The following CPQ variants were observed in gnomAD, a reference collection of about 807,000 sequenced individuals.
CPQ encodes the protein carboxypeptidase Q.
A neutral mutation model predicts 45.7 loss-of-function variants in CPQ; 37 were observed. That is an observed-to-expected ratio of 0.81 (90% CI 0.62 to 1.07). The LOEUF is 1.07. CPQ is among the 50% of genes least tolerant of loss of function. CPQ has a pLI of 0.00. For missense variants in CPQ, 537 were observed against 572.9 expected, an observed-to-expected ratio of 0.94 and a Z score of 0.64; for synonymous variants, 186 against 205.8, an observed-to-expected ratio of 0.90 and a Z score of 0.82.
At chr8:97,083,376 C>G (rs762054956) in intron 7 of CPQ, among the ~76,000 whole-genome samples, 7 of 152,142 alleles carry the variant, frequency 4.6e-5, no homozygotes, top group Non-Finnish European at 8.8e-5. Flanking sequence ...ACTATTGGTA[C>G]TCACCAGCCA....
chr8:96,970,730 A>AT (rs1477927577), intron 5 of CPQ, among the ~76,000 whole-genome samples: 4 of 151,902 alleles, frequency 2.6e-5, no homozygotes, highest in Non-Finnish European at 2.9e-5. Context: ...CGCCCGGCTA[A>AT]TTTTTTGTAT....
chr8:96,671,849 C>A (rs1004557099), intron 1 of CPQ, among the ~76,000 whole-genome samples: 1 of 152,114 alleles, frequency 6.6e-6, no homozygotes, highest in African/African-American at 2.4e-5. Flanking sequence ...ACTACTTTTA[C>A]ATTTCTTTCA....
chr8:96,648,287 C>T (rs1815539831), intron 1 of CPQ, among the ~76,000 whole-genome samples: 1 of 152,180 alleles, frequency 6.6e-6, no homozygotes, highest in African/African-American at 2.4e-5. Context: ...AATAGACCTT[C>T]CCATTGCTCA....
At chr8:96,914,375 C>T (rs1379514569) in intron 4 of CPQ, among the ~76,000 whole-genome samples, 1 of 152,070 alleles carries the variant, frequency 6.6e-6, no homozygotes, top group African/African-American at 2.4e-5. Flanking sequence ...GAACAGGGCC[C>T]TTTACAGAGC....
At chr8:97,022,309 T>C (rs1240005217) in intron 5 of CPQ, among the ~76,000 whole-genome samples, 5 of 152,152 alleles carry the variant, frequency 3.3e-5, no homozygotes, top group Admixed American at 2.0e-4. Context: ...AAAACCCTTC[T>C]AGACATTGGC....
At chr8:96,705,273 T>G (rs1809518050) in intron 1 of CPQ, among the ~76,000 whole-genome samples, 1 of 152,168 alleles carries the variant, frequency 6.6e-6, no homozygotes, top group South Asian at 2.1e-4. Flanking sequence ...TCCTTGAGAG[T>G]AGAGATTTTG....
chr8:97,080,309 G>C (rs13439480), intron 7 of CPQ, among the ~76,000 whole-genome samples: 1 of 152,038 alleles, frequency 6.6e-6, no homozygotes, highest in Non-Finnish European at 1.5e-5. Flanking sequence ...TAATCTGCTC[G>C]TTGAAACTTG....
intron 1 of CPQ, among the ~76,000 whole-genome samples, chr8:96,768,746 C>G (rs1157838606): frequency 6.6e-6 from 1 of 152,126 alleles, no homozygotes; most frequent in East Asian, 1.9e-4. Context: ...GGACTTCTGG[C>G]TTGGGCTGTA....
At chr8:96,863,389 A>G (rs1439328332) in intron 3 of CPQ, among the ~76,000 whole-genome samples, 2 of 151,990 alleles carry the variant, frequency 1.3e-5, no homozygotes, top group Non-Finnish European at 2.9e-5. Context: ...AGGGGAAGAC[A>G]TTTTCAAGGG....
At chr8:96,951,218 A>G (rs1315825183) in intron 4 of CPQ, among the ~76,000 whole-genome samples, 1 of 152,022 alleles carries the variant, frequency 6.6e-6, no homozygotes, top group Non-Finnish European at 1.5e-5. Context: ...CGTTACAGAG[A>G]TTATGCTCAA....
chr8:97,072,371 T>C (rs1484261685), intron 7 of CPQ, among the ~76,000 whole-genome samples: 1 of 152,090 alleles, frequency 6.6e-6, no homozygotes, highest in Non-Finnish European at 1.5e-5. Context: ...ATGAATAAAG[T>C]GTTCACCAAG....
chr8:96,956,848 T>C (rs1222037970), intron 4 of CPQ, among the ~76,000 whole-genome samples: 2 of 152,214 alleles, frequency 1.3e-5, no homozygotes, highest in Admixed American at 1.3e-4. Context: ...AGTTATTAAC[T>C]GCGATGACCG....
intron 7 of CPQ, among the ~76,000 whole-genome samples, chr8:97,122,648 G>A (rs1811725531): frequency 1.3e-5 from 2 of 151,922 alleles, no homozygotes; most frequent in Admixed American, 6.6e-5. Context: ...CACTTTGGGA[G>A]GCCAAGGCAC....
rs1329515657 is a variant in CPQ, at chr8:97,029,478, A to G, written c.1037A>G (p.Tyr346Cys). The G allele has an allele frequency of 6.2e-7, 1 of 1,604,864 alleles. No individual in the cohort carries two copies. Among genetic ancestry groups the G allele is most frequent in the African/African-American group, 1.3e-5 (1 of 74,810 alleles). Residue 346 changes from tyrosine (Y) to cysteine (C), a missense_variant, in exon 6 of 8, where the codon TAT becomes TGT. Tyr to Cys is a radical substitution (Grantham distance 194). Coordinates refer to ENST00000220763, the MANE Select transcript of CPQ (RefSeq NM_016134.4). ...CAAGGTGGAGTTGGTGCCTTCCAGT[A>G]TTATCAGTTACACAAGGTAAAAACC... ...EEQGGVGAFQ[Y>C]YQLHKVNISN...
chr8:96,771,249 G>A (rs565202050), intron 1 of CPQ, among the ~76,000 whole-genome samples: 2 of 151,372 alleles, frequency 1.3e-5, no homozygotes, highest in Non-Finnish European at 2.9e-5. Flanking sequence ...AGAAATAATA[G>A]AGATTCTATT....
intron 4 of CPQ, among the ~76,000 whole-genome samples, chr8:96,900,158 A>C (rs955489834): frequency 6.6e-6 from 1 of 152,212 alleles, no homozygotes; most frequent in Admixed American, 6.5e-5. Flanking sequence ...CAGTATAATA[A>C]ATAGGAAAAG....
intron 1 of CPQ, among the ~76,000 whole-genome samples, chr8:96,670,543 G>A (rs574737080): frequency 6.6e-6 from 1 of 152,220 alleles, no homozygotes; most frequent in Non-Finnish European, 1.5e-5. Flanking sequence ...AAAATTAACA[G>A]AGACAGACAT....
At chr8:96,910,170 T>C (rs760411571) in intron 4 of CPQ, among the ~76,000 whole-genome samples, 2 of 152,162 alleles carry the variant, frequency 1.3e-5, no homozygotes, top group Non-Finnish European at 2.9e-5. Context: ...CTGTGGGGTT[T>C]TTTTCCCCTT....
intron 3 of CPQ, among the ~76,000 whole-genome samples, chr8:96,849,805 C>T (rs1264483931): frequency 6.6e-6 from 1 of 152,184 alleles, no homozygotes; most frequent in Non-Finnish European, 1.5e-5. Context: ...GAATTCTTTA[C>T]AAGCACTTTC....
Sources: gnomAD v4.1 joint callset for allele counts (sites outside exome capture counted in the v4.1 genomes callset) on GRCh38, gnomAD v4.1.1 for gene constraint, MANE v1.5 for transcripts, NCBI Gene and HGNC (gene_info 2026-07-23, HGNC 2026-07-21) for gene names.